Variants in SRFBP1 observed in about 807,000 individuals in gnomAD.
The protein encoded by SRFBP1 is serum response factor binding protein 1.
In SRFBP1, 47 loss-of-function variants were observed where a neutral mutation model predicts 45.5. That is an observed-to-expected ratio of 1.03 (90% CI 0.82 to 1.32). SRFBP1 has a LOEUF of 1.32. Among genes scored for constraint, SRFBP1 ranks in the 40% most tolerant of loss-of-function variants. The pLI, the probability that SRFBP1 is intolerant of heterozygous loss-of-function variation, is 0.00. For synonymous variants in SRFBP1, 203 were observed against 166.3 expected (o/e 1.22, Z -1.70); for missense variants, 621 against 484.6 (o/e 1.28, Z -2.64).
downstream of SRFBP1, chr5:122,075,599 A>C: frequency 1.7e-6 from 2 of 1,186,364 alleles, no homozygotes; most frequent in East Asian, 2.4e-5. Context: ...TAAAGACAAA[A>C]CTACAAATAA....
chr5:122,074,282 G>A, intron 2 of SRFBP1: 2 of 835,148 alleles, frequency 2.4e-6, no homozygotes, highest in Non-Finnish European at 3.7e-6. Flanking sequence ...TTAAAATTGA[G>A]ACCAAATTTA....
intron 1 of SRFBP1, among the ~76,000 whole-genome samples, chr5:121,968,938 CTA>C (rs1216773286): frequency 1.3e-5 from 2 of 152,192 alleles, no homozygotes; most frequent in African/African-American, 4.8e-5. Flanking sequence ...TTTCTAATAA[CTA>C]TAGATTTTTG....
At chr5:121,996,022 T>G (rs1443327234) in intron 4 of SRFBP1, among the ~76,000 whole-genome samples, 1 of 151,820 alleles carries the variant, frequency 6.6e-6, no homozygotes, top group African/African-American at 2.4e-5. Context: ...CAATAATCAA[T>G]AGCTTACCAA....
chr5:122,041,167 G>A (rs867967034), intron 2 of SRFBP1, among the ~76,000 whole-genome samples: 7 of 152,140 alleles, frequency 4.6e-5, no homozygotes, highest in Non-Finnish European at 8.8e-5. Context: ...TGAGAGATAA[G>A]TGGCTTGGGC....
downstream of SRFBP1, among the ~76,000 whole-genome samples, chr5:122,033,624 G>A (rs1040521869): frequency 6.6e-6 from 1 of 151,296 alleles, no homozygotes; most frequent in African/African-American, 2.4e-5. Flanking sequence ...ACCACGCCTG[G>A]TTTTTTATAG....
chr5:121,994,716 C>CTATA, intron 4 of SRFBP1, 46 bp downstream of exon 4: 1 of 1,254,454 alleles, frequency 8.0e-7, no homozygotes, highest in Non-Finnish European at 1.1e-6. Context: ...AGTTTCTCAT[C>CTATA]TATATTGCTT....
At chr5:121,974,808 A>G (rs1056236425) in intron 2 of SRFBP1, among the ~76,000 whole-genome samples, 1 of 151,852 alleles carries the variant, frequency 6.6e-6, no homozygotes, top group Non-Finnish European at 1.5e-5. Context: ...TATTTTATTT[A>G]TAGTTCTTTT....
At chr5:122,047,946 C>G (rs1265567926) in intron 2 of SRFBP1, among the ~76,000 whole-genome samples, 1 of 152,068 alleles carries the variant, frequency 6.6e-6, no homozygotes, top group African/African-American at 2.4e-5. Context: ...AGATTTTGGG[C>G]TGAGATGATG....
At chr5:121,988,721 C>G (rs147172025) in intron 3 of SRFBP1, among the ~76,000 whole-genome samples, 1 of 152,324 alleles carries the variant, frequency 6.6e-6, no homozygotes, top group East Asian at 1.9e-4. Flanking sequence ...CATAAACTCT[C>G]TGATCAGATT....
downstream of SRFBP1, chr5:122,075,586 A>C (rs1754593729): frequency 7.6e-7 from 1 of 1,307,718 alleles, no homozygotes; most frequent in Admixed American, 2.3e-5. Flanking sequence ...ATGGAATATT[A>C]ACTAAAGACA....
intron 3 of SRFBP1, among the ~76,000 whole-genome samples, chr5:121,979,187 TCAC>T (rs1436410061): frequency 6.6e-6 from 1 of 152,224 alleles, no homozygotes; most frequent in Admixed American, 6.5e-5. Flanking sequence ...CACTTGAACC[TCAC>T]CACAACTCTA....
chr5:121,964,101 A>G (rs1465558305), intron 1 of SRFBP1, among the ~76,000 whole-genome samples: 1 of 152,180 alleles, frequency 6.6e-6, no homozygotes, highest in Non-Finnish European at 1.5e-5. Context: ...TTCGCTTTCA[A>G]TCTTTTCAAT....
At chr5:122,011,973 G>A (rs933251692) in intron 4 of SRFBP1, among the ~76,000 whole-genome samples, 4 of 152,086 alleles carry the variant, frequency 2.6e-5, no homozygotes, top group African/African-American at 9.7e-5. Context: ...AAAAACACAT[G>A]AAGGGAGCTT....
chr5:122,072,377 AG>A lies in SRFBP1; in HGVS notation n.312-2936del, dbSNP rs1754475711. Among the ~76,000 whole-genome samples the A allele has an allele frequency of 2.6e-5, 4 of 152,338 alleles. No homozygotes were observed. In the South Asian group the frequency reaches 8.3e-4, roughly 32 times the overall value. Reference sequence around the variant, plus strand: ...CAGATTCAATGTTGAATGTTAGCTGAGGCTCTCTAAATCAGCAATTTGAGTT... The same window carrying A: ...CAGATTCAATGTTGAATGTTAGCTGAGCTCTCTAAATCAGCAATTTGAGTT... On this transcript the variant is annotated intron_variant and non_coding_transcript_variant, in intron 2 of 2. Transcript: ENST00000504881.
chr5:122,009,937 T>C (rs1205938650), intron 4 of SRFBP1, among the ~76,000 whole-genome samples: 1 of 152,128 alleles, frequency 6.6e-6, no homozygotes, highest in Non-Finnish European at 1.5e-5. Context: ...CTGTTCAGCT[T>C]GTTCTATGCT....
chr5:122,077,501 C>G, downstream of SRFBP1: 5 of 1,613,700 alleles, frequency 3.1e-6, no homozygotes, highest in Non-Finnish European at 3.4e-6. The surrounding 1 kb of genome is among the most constrained non-coding windows in gnomAD (Gnocchi z 4.9). Flanking sequence ...GCCGTCCACG[C>G]GGCTGGGCGG....
intron 2 of SRFBP1, among the ~76,000 whole-genome samples, chr5:122,034,926 C>A (rs1286433864): frequency 6.6e-6 from 1 of 152,206 alleles, no homozygotes; most frequent in Non-Finnish European, 1.5e-5. Flanking sequence ...AAACTCTTCA[C>A]TGTATCTTTG....
intron 2 of SRFBP1, among the ~76,000 whole-genome samples, chr5:122,035,024 T>C (rs1753666079): frequency 6.6e-6 from 1 of 151,946 alleles, no homozygotes; most frequent in Admixed American, 6.5e-5. Context: ...TTCTGTCCCT[T>C]TCCAGGGATA....
chr5:122,044,645 G>T (rs532185628), intron 2 of SRFBP1, among the ~76,000 whole-genome samples: 78 of 152,120 alleles, frequency 5.1e-4, no homozygotes, highest in African/African-American at 1.8e-3. Context: ...TTGGCTGCAT[G>T]TATGTCTTCT....
Sources: gnomAD v4.1 joint callset for allele counts (sites outside exome capture counted in the v4.1 genomes callset) on GRCh38, gnomAD v4.1.1 for gene constraint, Gnocchi (gnomAD v3.1) non-coding constraint, MANE v1.5 for transcripts, NCBI Gene and HGNC (gene_info 2026-07-23, HGNC 2026-07-21) for gene names.